The following PEPD variants were observed in gnomAD, a reference collection of about 807,000 sequenced individuals.
PEPD encodes peptidase D.
A neutral mutation model predicts 60.7 loss-of-function variants in PEPD; 53 were observed. That is an observed-to-expected ratio of 0.87 (90% CI 0.70 to 1.10). The LOEUF is 1.10. Among genes scored for constraint, PEPD ranks in the 50% least tolerant of loss-of-function variants. The pLI is 0.00. For missense variants in PEPD, 711 were observed against 711.9 expected (o/e 1.00, Z 0.01); for synonymous variants, 267 against 284.1 (o/e 0.94, Z 0.60).
At chr19:33,491,071 C>T (rs967866594) in intron 5 of PEPD, among the ~76,000 whole-genome samples, 2 of 152,152 alleles carry the variant, frequency 1.3e-5, no homozygotes, top group South Asian at 2.1e-4. Context: ...AATCATCTCA[C>T]ATAAGTTTCC....
chr19:33,510,626 A>T (rs1970906165), intron 3 of PEPD, among the ~76,000 whole-genome samples: 1 of 152,212 alleles, frequency 6.6e-6, no homozygotes. Flanking sequence ...GTTGCCAGGA[A>T]CATGTGAGGC....
At chr19:33,489,893 A>G (rs907252437) in intron 6 of PEPD, 103 bp downstream of exon 6, 1 of 719,260 alleles carries the variant, frequency 1.4e-6, no homozygotes, top group Non-Finnish European at 2.5e-6. Flanking sequence ...CTTAAAAAGA[A>G]GTTTGCATAG....
rs566540424 is a variant in PEPD at position 33,432,972 on chromosome 19, G to A, written c.672-19329C>T. Among the ~76,000 whole-genome samples, 456 of 152,354 alleles carry A rather than the reference G, an allele frequency of 3.0e-3. 1 individual carries two copies. The highest frequency in any genetic ancestry group is 4.1e-3 in the Non-Finnish European group (282 of 68,032). ...CTAGCGGGTGTGGCTGGCCTGGAGC[G>A]ACAGGCTCCCTCACTGCCATGCTGC... On this transcript the variant is annotated intron_variant, in intron 9 of 14. Transcript: ENST00000244137.
At chr19:33,521,667 C>G (rs1205216571) in intron 1 of PEPD, 77 bp downstream of exon 1, 6 of 1,457,726 alleles carry the variant, frequency 4.1e-6, no homozygotes, top group Non-Finnish European at 3.7e-6. Flanking sequence ...GGCTGACGCT[C>G]TCACCCGCGG....
chr19:33,443,605 C>T (rs1425899683), intron 9 of PEPD, among the ~76,000 whole-genome samples: 2 of 151,202 alleles, frequency 1.3e-5, no homozygotes, highest in Non-Finnish European at 1.5e-5. Flanking sequence ...AAGAAAACGA[C>T]ATAAAAACAA....
At chr19:33,506,131 T>G (rs541874528) in intron 3 of PEPD, among the ~76,000 whole-genome samples, 1 of 86,596 alleles carries the variant, frequency 1.2e-5, no homozygotes, top group Admixed American at 1.3e-4. Flanking sequence ...TACACACACA[T>G]CCACACACAA....
At chr19:33,439,621 G>A (rs1278606978) in intron 9 of PEPD, among the ~76,000 whole-genome samples, 1 of 152,192 alleles carries the variant, frequency 6.6e-6, no homozygotes, top group Non-Finnish European at 1.5e-5. Context: ...TCTCAGCAAA[G>A]GAGACACCCC....
At chr19:33,520,591 T>C (rs563914712) in intron 1 of PEPD, among the ~76,000 whole-genome samples, 1 of 152,350 alleles carries the variant, frequency 6.6e-6, no homozygotes, top group Admixed American at 6.5e-5. Context: ...TCCTGGAATA[T>C]AGCAGGTGCC....
At chr19:33,393,713 T>C (rs1287038995) in intron 12 of PEPD, among the ~76,000 whole-genome samples, 1 of 152,220 alleles carries the variant, frequency 6.6e-6, no homozygotes, top group Non-Finnish European at 1.5e-5. Context: ...CATTCACTTG[T>C]TCCTGGGGGT....
At chr19:33,483,520 T>C (rs1043205691) in intron 6 of PEPD, among the ~76,000 whole-genome samples, 1 of 152,156 alleles carries the variant, frequency 6.6e-6, no homozygotes, top group African/African-American at 2.4e-5. Context: ...TTCCAAGACC[T>C]GCTCCTTAGC....
At chr19:33,395,924 C>T (rs757308170) in intron 12 of PEPD, among the ~76,000 whole-genome samples, 10 of 152,164 alleles carry the variant, frequency 6.6e-5, no homozygotes, top group Non-Finnish European at 8.8e-5. Context: ...CCACCCTGCA[C>T]GGGACGTGAG....
chr19:33,392,679 T>C (rs1600076463), intron 12 of PEPD, among the ~76,000 whole-genome samples: 1 of 152,214 alleles, frequency 6.6e-6, no homozygotes. Context: ...CCTGCCAGGC[T>C]TGCCTTGGCG....
chr19:33,406,732 G>A (rs551359566), intron 11 of PEPD, among the ~76,000 whole-genome samples: 1 of 152,340 alleles, frequency 6.6e-6, no homozygotes, highest in Non-Finnish European at 1.5e-5. Context: ...TAGACAGCAG[G>A]AGTAGGCTGG....
chr19:33,489,077 C>T (rs538339985), intron 6 of PEPD, among the ~76,000 whole-genome samples: 2 of 152,242 alleles, frequency 1.3e-5, no homozygotes, highest in East Asian at 3.9e-4. Flanking sequence ...AGGGCTCTCC[C>T]GCCCTCTCCA....
chr19:33,491,405 G>A (rs1970498108), intron 5 of PEPD, among the ~76,000 whole-genome samples: 2 of 152,180 alleles, frequency 1.3e-5, no homozygotes, highest in African/African-American at 2.4e-5. Flanking sequence ...AGCCAAGATC[G>A]CTCCACTGCA....
intron 9 of PEPD, among the ~76,000 whole-genome samples, chr19:33,435,950 G>A (rs902441185): frequency 1.1e-4 from 16 of 152,208 alleles, no homozygotes; most frequent in Non-Finnish European, 1.5e-4. Context: ...TCCAAGAAGC[G>A]GTGAGCAGGG....
chr19:33,426,800 G>A (rs928143724), intron 9 of PEPD, among the ~76,000 whole-genome samples: 3 of 152,210 alleles, frequency 2.0e-5, no homozygotes, highest in Non-Finnish European at 4.4e-5. Flanking sequence ...TGCAGGAAGC[G>A]AGGACCACAG....
At chr19:33,428,956 C>A (rs1202568374) in intron 9 of PEPD, among the ~76,000 whole-genome samples, 1 of 152,238 alleles carries the variant, frequency 6.6e-6, no homozygotes, top group Non-Finnish European at 1.5e-5. Flanking sequence ...GCCCAGGCAG[C>A]CCCGAGTGGA....
At chr19:33,393,638 G>A (rs58865132) in intron 12 of PEPD, among the ~76,000 whole-genome samples, 8,989 of 152,198 alleles carry the variant, frequency 0.059, 833 homozygotes, top group African/African-American at 0.2. Flanking sequence ...GCAGCACCCC[G>A]GACAGTGGCA....
Sources: gnomAD v4.1 joint callset for allele counts (sites outside exome capture counted in the v4.1 genomes callset) on GRCh38, gnomAD v4.1.1 for gene constraint, MANE v1.5 for transcripts, NCBI Gene and HGNC (gene_info 2026-07-23, HGNC 2026-07-21) for gene names.